DGKI: variants seen among roughly 807,000 people sequenced by gnomAD.
DGKI encodes the protein DAG kinase iota.
A neutral mutation model predicts 147.5 loss-of-function variants in DGKI; 55 were observed. That is an observed-to-expected ratio of 0.37 (90% CI 0.30 to 0.47). DGKI has a LOEUF of 0.47. Ranked by LOEUF, DGKI falls within the 20% of genes least tolerant of loss-of-function variation. DGKI has a pLI of 1.00. For missense variants in DGKI, 1,007 were observed against 1,323.8 expected (o/e 0.76, Z 3.71); for synonymous variants, 469 against 477.1 (o/e 0.98, Z 0.22).
At chr7:137,556,319 T>C (rs930777036) in intron 19 of DGKI, among the ~76,000 whole-genome samples, 4 of 150,656 alleles carry the variant, frequency 2.7e-5, no homozygotes, top group African/African-American at 7.3e-5. Context: ...AAGTTATCCA[T>C]CAGCAACGAA....
chr7:137,694,050 G>A (rs558436640), intron 1 of DGKI, among the ~76,000 whole-genome samples: 2 of 152,116 alleles, frequency 1.3e-5, no homozygotes, highest in African/African-American at 4.8e-5. Context: ...GGCCGGGCAC[G>A]GTGGCTCACG....
chr7:137,576,048 T>TC (rs1818960362), intron 17 of DGKI, among the ~76,000 whole-genome samples: 1 of 150,698 alleles, frequency 6.6e-6, no homozygotes, highest in Non-Finnish European at 1.5e-5. Context: ...TTTTTCTTTT[T>TC]TTTTTTTTTA....
chr7:137,698,719 C>A (rs1308586081), intron 1 of DGKI, among the ~76,000 whole-genome samples: 2 of 152,042 alleles, frequency 1.3e-5, no homozygotes, highest in Admixed American at 1.3e-4. Context: ...TGAAATGGAT[C>A]GTTTTGCTAT....
chr7:137,500,120 C>G (rs1401301242), intron 21 of DGKI, among the ~76,000 whole-genome samples: 1 of 152,188 alleles, frequency 6.6e-6, no homozygotes, highest in African/African-American at 2.4e-5. Flanking sequence ...AGGAACTACA[C>G]TGTGGAATTT....
chr7:137,599,725 T>C lies in DGKI; in HGVS notation c.1250+98A>G, dbSNP rs1164021173. The C allele has an allele frequency of 2.9e-6, 3 of 1,037,108 alleles. No individual in the cohort carries two copies. The Admixed American group carries it at 5.6e-5, about 19-fold the overall frequency. The allele number at this position is 1,037,108 out of a possible 1,614,324, so 64.2% of individuals were successfully genotyped here. The stretch of plus-strand genomic sequence containing the variant: ...TACAGGTGAGAAGGTAGATGACAGA[T>C]GGTCAGGATATACCTCACAAGGTAA... On this transcript the variant is annotated intron_variant, in intron 11 of 32. Transcript: ENST00000614521.
rs11355887 is a variant in DGKI, at chr7:137,522,927, C to CT, written c.2148-962dup. Among the ~76,000 whole-genome samples, 25 of 151,262 alleles carry CT rather than the reference C, an allele frequency of 1.7e-4. No homozygotes were observed. The South Asian group carries it at 2.5e-3, about 15-fold the overall frequency. ...AGAATTTTCTCATACAGAGGCTTCT[C>CT]TTTTTTTTTATATTAAATGGTGACA... On this transcript the variant is annotated intron_variant, in intron 20 of 32. Coordinates refer to ENST00000614521, the MANE Select transcript of DGKI (RefSeq NM_001321708.2).
chr7:137,438,385 C>T (rs1405726757), intron 28 of DGKI, among the ~76,000 whole-genome samples: 1 of 152,038 alleles, frequency 6.6e-6, no homozygotes, highest in Admixed American at 6.5e-5. Context: ...GATGCCATTT[C>T]ATACTTTCAC....
At chr7:137,430,713 G>A (rs990877811) in intron 28 of DGKI, among the ~76,000 whole-genome samples, 5 of 152,004 alleles carry the variant, frequency 3.3e-5, no homozygotes, top group African/African-American at 1.2e-4. Flanking sequence ...TTCCAAAAAC[G>A]AAGATTCGCA....
At position 137,469,601 on chromosome 7, in the gene DGKI, G is replaced by A. The variant is rs1013788395; in HGVS notation, c.2392C>T (p.Pro798Ser). The change falls in exon 24 of 33, where the codon CCC becomes TCC. Residue 798 changes from proline (P) to serine (S), a missense_variant. Pro to Ser is a moderately conservative substitution (Grantham distance 74, BLOSUM62 -1). Around this residue, in one of 5 missense-constraint regions of DGKI, gnomAD observed 385 missense variants for 445.2 expected, o/e 0.86. Transcript: ENST00000614521. The stretch of plus-strand genomic sequence containing the variant: ...AGCCTCTGTGCTGAGAGAGCCCTGG[G>A]GAAGGAGGTTTCATGGTCCTGGAAA... The part of the protein sequence containing the change: ...VHYQDHETSF[P>S]RALSAQRLSP... The A allele has an allele frequency of 1.9e-6, 3 of 1,613,972 alleles. No homozygotes were observed. Among genetic ancestry groups the A allele is most frequent in the Non-Finnish European group, 2.5e-6 (3 of 1,179,954 alleles).
intron 3 of DGKI, among the ~76,000 whole-genome samples, chr7:137,658,163 A>C (rs762277509): frequency 6.6e-6 from 1 of 152,238 alleles, no homozygotes; most frequent in African/African-American, 2.4e-5. Flanking sequence ...CTACTAAAAA[A>C]GAAAAGAAGA....
chr7:137,618,024 G>T (rs867751372), intron 8 of DGKI, among the ~76,000 whole-genome samples: 4 of 145,716 alleles, frequency 2.7e-5, no homozygotes, highest in South Asian at 2.2e-4. Context: ...CTACAAACTG[G>T]TATTATCCCC....
At chr7:137,397,527 G>A in intron 30 of DGKI, 114 bp from the exon 31 acceptor site, 1 of 938,820 alleles carries the variant, frequency 1.1e-6, no homozygotes, top group South Asian at 1.5e-5. Flanking sequence ...TTGGGGATAG[G>A]AATAATAAGA....
chr7:137,595,482 A>T (rs997381784), intron 12 of DGKI, among the ~76,000 whole-genome samples: 4 of 152,212 alleles, frequency 2.6e-5, no homozygotes, highest in Non-Finnish European at 5.9e-5. Flanking sequence ...TTTACTTGAC[A>T]GAACAGACTG....
At chr7:137,791,615 AAGGTCTCTATTC>A (rs1171499223) in intron 1 of DGKI, among the ~76,000 whole-genome samples, 1 of 152,188 alleles carries the variant, frequency 6.6e-6, no homozygotes, top group African/African-American at 2.4e-5. Context: ...TGTATATGGG[AAGGTCTCTATTC>A]TGTTGGAGAG....
At chr7:137,650,732 C>T (rs1440782969) in intron 5 of DGKI, among the ~76,000 whole-genome samples, 1 of 152,176 alleles carries the variant, frequency 6.6e-6, no homozygotes, top group Non-Finnish European at 1.5e-5. Flanking sequence ...CTTGGACTTC[C>T]AGCTTGCAGA....
intron 1 of DGKI, among the ~76,000 whole-genome samples, chr7:137,806,274 C>T (rs770683711): frequency 6.6e-6 from 1 of 152,210 alleles, no homozygotes; most frequent in Non-Finnish European, 1.5e-5. Flanking sequence ...CCCCACTTTG[C>T]AAATGAAGAA....
At chr7:137,618,151 A>ATATATATTTTTTT in intron 8 of DGKI, among the ~76,000 whole-genome samples, 5 of 10,464 alleles carry the variant, frequency 4.8e-4, no homozygotes, top group African/African-American at 6.2e-4. Flanking sequence ...ATATATATAT[A>ATATATATTTTTTT]TTTTTTTTTT....
Position 137,843,290 on chromosome 7 carries a change from C to A in DGKI, c.401+3172G>T, listed in dbSNP as rs80068533. On this transcript the variant is annotated intron_variant, in intron 1 of 32. Coordinates refer to ENST00000614521, the MANE Select transcript of DGKI (RefSeq NM_001321708.2). Reference sequence around the variant, plus strand: ...TCTTACAGCAGTTTAAAAAAAAAAACAGTTCCTACACAGTATATAGTCATT... The same window carrying A: ...TCTTACAGCAGTTTAAAAAAAAAAAAAGTTCCTACACAGTATATAGTCATT... The A allele has an allele frequency of 4.7e-5, 15 of 319,418 alleles. No individual in the cohort carries two copies. The South Asian group carries it at 7.4e-4, about 16-fold the overall frequency. 19.8% of individuals were successfully genotyped at this position (319,418 alleles called of 1,614,324 possible).
chr7:137,438,647 C>G (rs1813374706), intron 28 of DGKI, among the ~76,000 whole-genome samples: 1 of 151,822 alleles, frequency 6.6e-6, no homozygotes, highest in Non-Finnish European at 1.5e-5. Flanking sequence ...TTTGCAAGAG[C>G]AAAACAAAAA....
Sources: gnomAD v4.1 joint callset for allele counts (sites outside exome capture counted in the v4.1 genomes callset) on GRCh38, gnomAD v4.1.1 for gene constraint, gnomAD v4.1.1 regional missense constraint, MANE v1.5 for transcripts, NCBI Gene and HGNC (gene_info 2026-07-23, HGNC 2026-07-21) for gene names.